Variants in LIN9 observed in about 807,000 individuals in gnomAD.
LIN9 encodes the protein lin-9 DREAM MuvB core complex component, also known as protein lin-9 homolog.
In LIN9, 18 loss-of-function variants were observed where a neutral mutation model predicts 78.0. That is an observed-to-expected ratio of 0.23 (90% confidence interval 0.16 to 0.34). The LOEUF (loss-of-function observed/expected upper bound fraction) is 0.34. LIN9 is among the 10% of genes least tolerant of loss of function. LIN9 has a pLI of 1.00. For missense variants in LIN9, 451 were observed against 644.1 expected (o/e 0.70, Z 3.25); for synonymous variants, 192 against 215.2 (o/e 0.89, Z 0.94).
chr1:226,234,893 A>ATTTTTTTT (rs558971569), intron 12 of LIN9, among the ~76,000 whole-genome samples: 4 of 134,332 alleles, frequency 3.0e-5, no homozygotes, highest in Non-Finnish European at 3.1e-5. Flanking sequence ...GTTATCCTAA[A>ATTTTTTTT]TTTTTTTTTT....
chr1:226,243,960 C>G (rs1344498757), intron 11 of LIN9, among the ~76,000 whole-genome samples: 1 of 151,182 alleles, frequency 6.6e-6, no homozygotes, highest in Non-Finnish European at 1.5e-5. Flanking sequence ...CTGCAACCTC[C>G]ACCTCCAAGG....
intron 7 of LIN9, among the ~76,000 whole-genome samples, chr1:226,273,402 C>T (rs140388198): frequency 6.6e-6 from 1 of 151,802 alleles, no homozygotes; most frequent in African/African-American, 2.4e-5. Context: ...GAGCACAACA[C>T]ACCTGACCAA....
intron 10 of LIN9, among the ~76,000 whole-genome samples, chr1:226,257,633 A>G (rs1177642514): frequency 6.6e-6 from 1 of 152,132 alleles, no homozygotes; most frequent in Non-Finnish European, 1.5e-5. Flanking sequence ...TGTAAACTCT[A>G]GGGCAACCAT....
chr1:226,266,879 A>G (rs1282460142), intron 8 of LIN9, among the ~76,000 whole-genome samples: 1 of 151,674 alleles, frequency 6.6e-6, no homozygotes, highest in Non-Finnish European at 1.5e-5. Flanking sequence ...TCCTGGGTTC[A>G]AGCAATTCTC....
At chr1:226,252,967 A>C (rs527740756) in intron 10 of LIN9, among the ~76,000 whole-genome samples, 2 of 152,040 alleles carry the variant, frequency 1.3e-5, no homozygotes, top group East Asian at 3.9e-4. Context: ...ACACCCTCTC[A>C]AAAAAGAAAT....
In LIN9 at chr1:226,305,330, A is replaced by C. The variant is rs557942643; in HGVS notation, c.31+3779T>G. Among the ~76,000 whole-genome samples, 1,040 of 150,102 alleles carry C rather than the reference A, an allele frequency of 6.9e-3. 11 individuals are homozygous for C. The highest frequency in any genetic ancestry group is 0.024 in the African/African-American group (988 of 40,808). ...ACAAAAAAAAGAAAAAAAAAAAAAA[A>C]AAAAAAAAAAACCTTAGTTGGGCAT... On this transcript the variant is annotated intron_variant, in intron 1 of 14. Coordinates refer to ENST00000681046, the MANE Select transcript of LIN9 (RefSeq NM_001366245.2).
In LIN9 at chr1:226,297,761, T is replaced by A. The variant is rs1453708443; in HGVS notation, c.117A>T (p.Thr39=). 6.3e-7 allele frequency: 1 copy of A among 1,596,434 alleles called. No individual in the cohort carries two copies. Among genetic ancestry groups the A allele is most frequent in the East Asian group, 2.3e-5 (1 of 44,296 alleles). The change falls in exon 3 of 15, where the codon ACA becomes ACT. Residue 39 remains threonine, a synonymous_variant. Coordinates refer to ENST00000681046, the MANE Select transcript of LIN9 (RefSeq NM_001366245.2). ...WNEKYSSLQK[T]PVWKGRNTSS... Reference sequence around the variant, plus strand: ...TTGTATTCCTGCCTTTCCAAACAGGTGTTTTCTGTAAAGAACTGTACTTTT... The same window carrying A: ...TTGTATTCCTGCCTTTCCAAACAGGAGTTTTCTGTAAAGAACTGTACTTTT...
At chr1:226,235,322 CAAAA>C (rs375690849) in intron 12 of LIN9, among the ~76,000 whole-genome samples, 2,671 of 59,624 alleles carry the variant, frequency 0.045, 89 homozygotes, top group African/African-American at 0.15. Flanking sequence ...AAATCCGTCT[CAAAA>C]AAAAAAAAAA....
At chr1:226,244,259 C>T (rs1164926101) in intron 11 of LIN9, among the ~76,000 whole-genome samples, 7 of 151,552 alleles carry the variant, frequency 4.6e-5, no homozygotes, top group African/African-American at 1.5e-4. Context: ...GGTGAAACCC[C>T]GTCTCTACCA....
intron 6 of LIN9, among the ~76,000 whole-genome samples, chr1:226,284,849 T>C (rs1229367716): frequency 6.6e-6 from 1 of 152,226 alleles, no homozygotes; most frequent in African/African-American, 2.4e-5. Context: ...CATATGTATC[T>C]TGCATATTTC....
At chr1:226,258,243 G>A (rs1055552401) in intron 10 of LIN9, among the ~76,000 whole-genome samples, 2 of 151,896 alleles carry the variant, frequency 1.3e-5, no homozygotes, top group African/African-American at 2.4e-5. Flanking sequence ...GCTGACACTT[G>A]TAATTCCAGC....
At chr1:226,274,670 TTC>T (rs1491543223) in intron 7 of LIN9, among the ~76,000 whole-genome samples, 7 of 142,278 alleles carry the variant, frequency 4.9e-5, no homozygotes, top group Admixed American at 7.1e-5. Context: ...ATTTTTTTTT[TTC>T]ATTTTTTTCC....
intron 11 of LIN9, among the ~76,000 whole-genome samples, chr1:226,249,795 T>C (rs1465080044): frequency 6.6e-6 from 1 of 152,214 alleles, no homozygotes; most frequent in Non-Finnish European, 1.5e-5. Context: ...TTTGCCATCC[T>C]ACATATCCTT....
intron 7 of LIN9, among the ~76,000 whole-genome samples, chr1:226,277,095 G>A (rs888590416): frequency 4.0e-5 from 6 of 151,382 alleles, no homozygotes; most frequent in Middle Eastern, 3.4e-3. Flanking sequence ...CTGTAATCCC[G>A]CACTTTGGGA....
chr1:226,255,359 G>A (rs1659118927), intron 10 of LIN9, among the ~76,000 whole-genome samples: 2 of 152,224 alleles, frequency 1.3e-5, no homozygotes, highest in African/African-American at 2.4e-5. Context: ...TTTTATCAGA[G>A]GCTTACTGAC....
chr1:226,295,079 T>G (rs1662057142), intron 4 of LIN9, among the ~76,000 whole-genome samples: 1 of 151,976 alleles, frequency 6.6e-6, no homozygotes, highest in Non-Finnish European at 1.5e-5. Context: ...GTGATTATAG[T>G]CATGAGCCAC....
intron 7 of LIN9, among the ~76,000 whole-genome samples, chr1:226,276,549 T>G (rs992839879): frequency 2.0e-5 from 3 of 152,210 alleles, no homozygotes; most frequent in African/African-American, 7.2e-5. Flanking sequence ...TTCTCTATTT[T>G]CTACCTTTCA....
At chr1:226,302,057 C>T (rs918803024) in intron 1 of LIN9, among the ~76,000 whole-genome samples, 1 of 151,990 alleles carries the variant, frequency 6.6e-6, no homozygotes, top group Non-Finnish European at 1.5e-5. Flanking sequence ...AGACAGAGTA[C>T]GACTCTGCCT....
intron 4 of LIN9, among the ~76,000 whole-genome samples, chr1:226,295,553 T>C (rs991127763): frequency 6.6e-6 from 1 of 152,086 alleles, no homozygotes; most frequent in Non-Finnish European, 1.5e-5. Context: ...AAACATTTTT[T>C]CCCTCTTATA....
Sources: gnomAD v4.1 joint callset for allele counts (sites outside exome capture counted in the v4.1 genomes callset) on GRCh38, gnomAD v4.1.1 for gene constraint, MANE v1.5 for transcripts, NCBI Gene and HGNC (gene_info 2026-07-23, HGNC 2026-07-21) for gene names.